DCC: variants seen among roughly 807,000 people sequenced by gnomAD.
DCC encodes netrin receptor DCC.
In DCC, 58 loss-of-function variants were observed where a neutral mutation model predicts 172.5. The observed-to-expected ratio is 0.34, with a 90% confidence interval of 0.27 to 0.42. The LOEUF is 0.42. Among genes scored for constraint, DCC ranks in the 10% least tolerant of loss-of-function variants. DCC has a pLI of 1.00. For missense variants in DCC, 1,740 were observed against 1,791.0 expected (o/e 0.97, Z 0.51); for synonymous variants, 709 against 644.5 (o/e 1.10, Z -1.52).
intron 23 of DCC, among the ~76,000 whole-genome samples, chr18:53,453,952 C>A (rs541241574): frequency 6.6e-6 from 1 of 152,242 alleles, no homozygotes; most frequent in Non-Finnish European, 1.5e-5. Context: ...TACTGCAGTT[C>A]TTTTCAGTTA....
chr18:52,774,713 C>G (rs1183963046), intron 2 of DCC, among the ~76,000 whole-genome samples: 3 of 152,032 alleles, frequency 2.0e-5, no homozygotes, highest in Non-Finnish European at 2.9e-5. Context: ...CCTGTTTTCT[C>G]CAGCCCCACT....
At chr18:53,050,745 T>A (rs2042322964) in intron 5 of DCC, among the ~76,000 whole-genome samples, 1 of 152,118 alleles carries the variant, frequency 6.6e-6, no homozygotes, top group South Asian at 2.1e-4. Flanking sequence ...ATTCTTCTCT[T>A]CCTATTTGGA....
At chr18:52,693,822 T>C (rs1022173120) in intron 1 of DCC, among the ~76,000 whole-genome samples, 4 of 152,070 alleles carry the variant, frequency 2.6e-5, no homozygotes, top group African/African-American at 9.7e-5. Context: ...TAGGATGGGA[T>C]TGGATTACAA....
At chr18:52,647,744 A>G (rs2035046126) in intron 1 of DCC, among the ~76,000 whole-genome samples, 1 of 152,230 alleles carries the variant, frequency 6.6e-6, no homozygotes, top group African/African-American at 2.4e-5. Context: ...TGATGATAAG[A>G]CTTTGTAATG....
chr18:52,517,416 G>A (rs753733032), intron 1 of DCC, among the ~76,000 whole-genome samples: 2 of 152,280 alleles, frequency 1.3e-5, no homozygotes, highest in East Asian at 1.9e-4. Context: ...AAGGTGCTGC[G>A]TAGAATTTAG....
chr18:52,576,179 C>T (rs1044990211), intron 1 of DCC, among the ~76,000 whole-genome samples: 2 of 152,140 alleles, frequency 1.3e-5, no homozygotes. Flanking sequence ...ATCAAGTTTC[C>T]TTTGCTAGAC....
At chr18:53,427,788 A>G (rs1911076645) in intron 21 of DCC, among the ~76,000 whole-genome samples, 1 of 139,240 alleles carries the variant, frequency 7.2e-6, no homozygotes, top group South Asian at 2.3e-4. Context: ...GGAGTAACCA[A>G]TGTGCTTCTA....
At chr18:52,360,337 T>C (rs1039349282) in intron 1 of DCC, among the ~76,000 whole-genome samples, 1 of 152,234 alleles carries the variant, frequency 6.6e-6, no homozygotes, top group African/African-American at 2.4e-5. Flanking sequence ...TATAAAAGAC[T>C]AACATTCCAA....
chr18:52,751,381 T>TACAA (rs1487815121), intron 1 of DCC, among the ~76,000 whole-genome samples: 2 of 152,240 alleles, frequency 1.3e-5, no homozygotes, highest in South Asian at 4.1e-4. Context: ...TATGTTCATT[T>TACAA]ACGTTTATGA....
intron 1 of DCC, among the ~76,000 whole-genome samples, chr18:52,610,204 T>C (rs1251709361): frequency 1.7e-5 from 1 of 57,274 alleles, no homozygotes; most frequent in Non-Finnish European, 3.1e-5. Flanking sequence ...TATATATATA[T>C]ATATATATAT....
At chr18:52,603,436 G>A (rs1193738793) in intron 1 of DCC, among the ~76,000 whole-genome samples, 1 of 151,776 alleles carries the variant, frequency 6.6e-6, no homozygotes, top group Non-Finnish European at 1.5e-5. Flanking sequence ...GTAAAGAAAA[G>A]GAGAATAGGA....
intron 5 of DCC, among the ~76,000 whole-genome samples, chr18:52,930,118 TTTTTC>T (rs543039061): frequency 1.3e-5 from 2 of 151,998 alleles, no homozygotes; most frequent in Non-Finnish European, 2.9e-5. Context: ...CTTTCTTTTC[TTTTTC>T]TTTTCTTTTT....
At chr18:53,309,250 G>A (rs926813850) in intron 13 of DCC, among the ~76,000 whole-genome samples, 1 of 151,988 alleles carries the variant, frequency 6.6e-6, no homozygotes, top group Non-Finnish European at 1.5e-5. Flanking sequence ...TGTTGCCCAG[G>A]CTGGTCTCAA....
rs1425837691 is a variant in DCC at position 53,532,740 on chromosome 18, G to A, written c.*2087G>A. 1 of 151,310 alleles carries A rather than the reference G, an allele frequency of 6.6e-6. No homozygotes were observed. Among genetic ancestry groups the A allele is most frequent in the Admixed American group, 6.6e-5 (1 of 15,190 alleles). The allele number at this position is 151,310 out of a possible 1,614,324, so 9.4% of individuals were successfully genotyped here. A position where few individuals can be genotyped will look rare whatever the true frequency, so the allele number is the denominator to read the frequency against. ...GACACCCACGAGGGTAATCCTGAGT[G>A]CTCAGTTTGGAATAGGTTGCAAATC... On this transcript the variant is annotated 3_prime_UTR_variant, in exon 29 of 29. Coordinates refer to ENST00000442544, the MANE Select transcript of DCC (RefSeq NM_005215.4).
At chr18:53,513,327 A>G (rs1297486023) in intron 27 of DCC, among the ~76,000 whole-genome samples, 3 of 152,244 alleles carry the variant, frequency 2.0e-5, no homozygotes, top group Non-Finnish European at 4.4e-5. Context: ...AAACATGGAA[A>G]GGAACAACCG....
intron 7 of DCC, among the ~76,000 whole-genome samples, chr18:53,097,293 C>A (rs375182228): frequency 6.6e-6 from 1 of 152,152 alleles, no homozygotes; most frequent in African/African-American, 2.4e-5. Context: ...ATGGGCTGAT[C>A]ACTTCCCGGT....
At chr18:53,169,222 G>A (rs2144435911) in intron 8 of DCC, among the ~76,000 whole-genome samples, 1 of 152,166 alleles carries the variant, frequency 6.6e-6, no homozygotes, top group South Asian at 2.1e-4. Context: ...ATGGTTAGTG[G>A]GTCAAACTGC....
chr18:53,513,782 AC>A (rs2046293843), intron 27 of DCC, among the ~76,000 whole-genome samples: 1 of 149,562 alleles, frequency 6.7e-6, no homozygotes, highest in South Asian at 2.2e-4. Flanking sequence ...ATATATATGC[AC>A]CCAATACAGG....
At chr18:52,423,529 G>A (rs1332248083) in intron 1 of DCC, among the ~76,000 whole-genome samples, 1 of 151,770 alleles carries the variant, frequency 6.6e-6, no homozygotes, top group Non-Finnish European at 1.5e-5. Context: ...TGGCTGAGAT[G>A]AAGCCTGCTT....
Sources: allele counts gnomAD v4.1 joint callset (sites outside exome capture counted in the v4.1 genomes callset), GRCh38; gene constraint gnomAD v4.1.1; transcripts MANE v1.5; gene names NCBI Gene and HGNC (gene_info 2026-07-23, HGNC 2026-07-21).